ABCG2: variants seen among roughly 807,000 people sequenced by gnomAD.
ABCG2 encodes ATP binding cassette subfamily G member 2 (JR blood group).
Under a neutral mutation model 73.5 loss-of-function variants are expected in ABCG2, and 80 were observed. The ratio of observed to expected loss-of-function variants is 1.09; its 90% CI spans 0.91 to 1.31. The LOEUF (loss-of-function observed/expected upper bound fraction) is 1.31, where lower values mean the gene tolerates loss of function less well. ABCG2 is among the 50% of genes most tolerant of loss of function. The probability of loss-of-function intolerance (pLI) is 0.00; values close to 1 mark genes in which losing one functional copy is unlikely to be tolerated. For synonymous variants in ABCG2, 269 were observed against 282.4 expected (o/e 0.95, Z 0.48); for missense variants, 796 against 786.2 (o/e 1.01, Z -0.15).
At chr4:88,215,261 A>G (rs1213554466) in intron 1 of ABCG2, among the ~76,000 whole-genome samples, 1 of 152,190 alleles carries the variant, frequency 6.6e-6, no homozygotes, top group African/African-American at 2.4e-5. Context: ...AGAATATAGC[A>G]TGTTGGCTGG....
chr4:88,175,803 C>T (rs182904407), intron 1 of ABCG2, among the ~76,000 whole-genome samples: 1 of 152,190 alleles, frequency 6.6e-6, no homozygotes, highest in Admixed American at 6.5e-5. Context: ...CTGAAACCAA[C>T]CATTTATCTA....
upstream of ABCG2, among the ~76,000 whole-genome samples, chr4:88,161,305 A>G (rs1211249365): frequency 1.0e-5 from 1 of 98,296 alleles, no homozygotes; most frequent in Non-Finnish European, 2.0e-5. Flanking sequence ...ATATCTCCCA[A>G]TGCTATCCCT....
exon 1 of ABCG2, chr4:88,231,090 C>G (rs1306904958): frequency 6.6e-6 from 1 of 152,154 alleles, no homozygotes; most frequent in African/African-American, 2.4e-5. Flanking sequence ...AGGAGTTTTC[C>G]TAGACAGACT....
At chr4:88,210,747 A>G (rs1006293270) in intron 1 of ABCG2, among the ~76,000 whole-genome samples, 2 of 152,078 alleles carry the variant, frequency 1.3e-5, no homozygotes, top group African/African-American at 4.8e-5. Flanking sequence ...ACTTGCCACC[A>G]TTAACTGGCT....
At chr4:88,130,969 A>G (rs779138966) in intron 5 of ABCG2, 92 bp downstream of exon 5, 14 of 1,439,312 alleles carry the variant, frequency 9.7e-6, no homozygotes, top group Non-Finnish European at 1.3e-5. Flanking sequence ...GACCATACAC[A>G]TTACAGGAAA....
chr4:88,169,086 C>T (rs1042230728), intron 1 of ABCG2, among the ~76,000 whole-genome samples: 7 of 148,472 alleles, frequency 4.7e-5, no homozygotes, highest in Non-Finnish European at 8.9e-5. Flanking sequence ...CACTCTGTCA[C>T]GCAGACTAGA....
intron 1 of ABCG2, among the ~76,000 whole-genome samples, chr4:88,156,370 CAAAAAAAAAA>C (rs56029010): frequency 2.9e-5 from 2 of 69,092 alleles, no homozygotes; most frequent in East Asian, 8.3e-4. Flanking sequence ...GACTCCGTCT[CAAAAAAAAAA>C]AAAAAAAAAA....
chr4:88,153,939 T>C (rs1221211928), intron 1 of ABCG2, among the ~76,000 whole-genome samples: 2 of 152,116 alleles, frequency 1.3e-5, no homozygotes, highest in African/African-American at 4.8e-5. Flanking sequence ...ATTTCCACGA[T>C]GGAAAGGAAA....
At chr4:88,186,594 G>A (rs559520143) in intron 1 of ABCG2, among the ~76,000 whole-genome samples, 2 of 152,216 alleles carry the variant, frequency 1.3e-5, no homozygotes, top group Non-Finnish European at 2.9e-5. Flanking sequence ...TGGCTAACAT[G>A]GTGAAATCCT....
intron 1 of ABCG2, among the ~76,000 whole-genome samples, chr4:88,230,291 T>C (rs1220139539): frequency 5.2e-5 from 3 of 57,908 alleles, no homozygotes; most frequent in African/African-American, 1.0e-4. Flanking sequence ...ACCGCACCTG[T>C]TATATATATA....
At chr4:88,148,417 G>C (rs371859247) in intron 1 of ABCG2, among the ~76,000 whole-genome samples, 23 of 152,238 alleles carry the variant, frequency 1.5e-4, no homozygotes, top group African/African-American at 5.5e-4. Context: ...TTTTCAGAGG[G>C]GGGCAGTAAC....
chr4:88,147,683 A>G (rs1560714418), intron 1 of ABCG2, among the ~76,000 whole-genome samples: 1 of 152,238 alleles, frequency 6.6e-6, no homozygotes, highest in Non-Finnish European at 1.5e-5. Context: ...AGCTTAATAA[A>G]GATGTTAGCA....
intron 10 of ABCG2, among the ~76,000 whole-genome samples, chr4:88,104,174 T>A (rs908435758): frequency 1.3e-5 from 2 of 152,202 alleles, no homozygotes; most frequent in Non-Finnish European, 2.9e-5. Flanking sequence ...ATTCCAGAGG[T>A]AGCTATTAAT....
intron 9 of ABCG2, among the ~76,000 whole-genome samples, chr4:88,112,553 C>A (rs1049246256): frequency 2.6e-5 from 4 of 152,056 alleles, no homozygotes; most frequent in Non-Finnish European, 5.9e-5. Context: ...CTGTCTTCCT[C>A]AAAAAATTAG....
intron 5 of ABCG2, among the ~76,000 whole-genome samples, chr4:88,129,723 T>C (rs1724714089): frequency 6.6e-6 from 1 of 152,198 alleles, no homozygotes; most frequent in African/African-American, 2.4e-5. Flanking sequence ...TCATTGCTTC[T>C]AAGTAAGGGA....
chr4:88,215,010 T>G (rs1218382628), intron 1 of ABCG2, among the ~76,000 whole-genome samples: 1 of 152,020 alleles, frequency 6.6e-6, no homozygotes, highest in Non-Finnish European at 1.5e-5. Flanking sequence ...GAGGATCACT[T>G]GAGCCCAGGA....
chr4:88,142,190 T>C (rs184758493), intron 1 of ABCG2, among the ~76,000 whole-genome samples: 1 of 152,020 alleles, frequency 6.6e-6, no homozygotes, highest in East Asian at 1.9e-4. Context: ...ACAGGCAACC[T>C]GAGAGAGAAG....
chr4:88,201,381 A>T (rs1197759192), intron 1 of ABCG2, among the ~76,000 whole-genome samples: 1 of 152,224 alleles, frequency 6.6e-6, no homozygotes, highest in Non-Finnish European at 1.5e-5. Flanking sequence ...CACGAATTTG[A>T]TAACCTAGAT....
At chr4:88,170,493 G>A (rs1727716171) in intron 1 of ABCG2, among the ~76,000 whole-genome samples, 1 of 152,218 alleles carries the variant, frequency 6.6e-6, no homozygotes, top group Non-Finnish European at 1.5e-5. Flanking sequence ...GGATTGATTT[G>A]TAACTTGGAT....
Sources: gnomAD v4.1 joint callset for allele counts (sites outside exome capture counted in the v4.1 genomes callset) on GRCh38, gnomAD v4.1.1 for gene constraint, MANE v1.5 for transcripts, NCBI Gene and HGNC (gene_info 2026-07-23, HGNC 2026-07-21) for gene names.